STK33: variants seen among roughly 807,000 people sequenced by gnomAD.
STK33 encodes serine/threonine-protein kinase 33.
Under a neutral mutation model 58.0 loss-of-function variants are expected in STK33, and 52 were observed. That is an observed-to-expected ratio of 0.90 (90% CI 0.72 to 1.13). The LOEUF (loss-of-function observed/expected upper bound fraction) is 1.13. Among genes scored for constraint, STK33 ranks in the 50% most tolerant of loss-of-function variants. The probability of loss-of-function intolerance (pLI) is 0.00; values close to 1 mark genes in which losing one functional copy is unlikely to be tolerated. For missense variants in STK33, 630 were observed against 604.2 expected (o/e 1.04, Z -0.45); for synonymous variants, 215 against 200.1 (o/e 1.07, Z -0.63).
the STK33 span, among the ~76,000 whole-genome samples, chr11:8,347,910 A>C: frequency 1.3e-5 from 2 of 152,102 alleles, no homozygotes; most frequent in African/African-American, 4.8e-5. Flanking sequence ...TGGCTCACCC[A>C]CCTTCCCCTG....
At chr11:8,402,489 T>G (rs376493929) in intron 15 of STK33, among the ~76,000 whole-genome samples, 27 of 152,226 alleles carry the variant, frequency 1.8e-4, no homozygotes, top group African/African-American at 6.5e-4. Context: ...CGAGGAGGGA[T>G]AGCATTAGGA....
intron 1 of STK33, among the ~76,000 whole-genome samples, chr11:8,497,469 CTTTCTT>C (rs137919884): frequency 1.8e-4 from 27 of 152,194 alleles, no homozygotes; most frequent in African/African-American, 5.5e-4. Context: ...GTTCAAAGTT[CTTTCTT>C]TTTCTTTTTC....
Position 8,553,669 on chromosome 11 carries a change from TTTTTTA to T in STK33, c.-466+40408_-466+40413del, listed in dbSNP as rs1956526560. On this transcript the variant is annotated intron_variant, in intron 1 of 15. Coordinates refer to ENST00000687296, the MANE Select transcript of STK33 (RefSeq NM_001352389.2). The stretch of plus-strand genomic sequence containing the variant: ...ACACATTAATAGTCAACTGATGTTT[TTTTTTA>T]CAAAGGTGCCAAGAACACACAATGG... Among the ~76,000 whole-genome samples, 3 of 152,150 alleles carry T rather than the reference TTTTTTA, an allele frequency of 2.0e-5. No individual in the cohort carries two copies. The South Asian group carries it at 6.2e-4, about 32-fold the overall frequency.
chr11:8,586,340 ACTTCCT>A (rs1241326170), intron 1 of STK33, among the ~76,000 whole-genome samples: 14 of 152,078 alleles, frequency 9.2e-5, no homozygotes, highest in Admixed American at 6.5e-4. Context: ...CTAGATCTCA[ACTTCCT>A]CTAAGACTTA....
chr11:8,521,184 C>A (rs558776234), intron 1 of STK33, among the ~76,000 whole-genome samples: 5 of 152,042 alleles, frequency 3.3e-5, no homozygotes, highest in African/African-American at 7.2e-5. Flanking sequence ...AATCCTAAGC[C>A]AAAAGAACAA....
At chr11:8,473,684 A>G (rs1200108320) in intron 5 of STK33, among the ~76,000 whole-genome samples, 1 of 152,258 alleles carries the variant, frequency 6.6e-6, no homozygotes, top group Non-Finnish European at 1.5e-5. Flanking sequence ...TGAAAATAAC[A>G]TAGTAACAAC....
At chr11:8,453,561 G>A (rs1428694069) in intron 10 of STK33, among the ~76,000 whole-genome samples, 4 of 152,164 alleles carry the variant, frequency 2.6e-5, no homozygotes, top group Admixed American at 6.5e-5. Context: ...GCCTAGTGCC[G>A]CAACTGTAGG....
chr11:8,468,570 T>C (rs1317771522), intron 6 of STK33, among the ~76,000 whole-genome samples: 7 of 152,210 alleles, frequency 4.6e-5, no homozygotes. Flanking sequence ...TCAAACAATA[T>C]TATTGCTTTT....
At chr11:8,373,723 G>A in the STK33 span, among the ~76,000 whole-genome samples, 1 of 152,136 alleles carries the variant, frequency 6.6e-6, no homozygotes, top group Non-Finnish European at 1.5e-5. Flanking sequence ...CAGTGATTGA[G>A]GCCCAGGCTG....
the STK33 span, among the ~76,000 whole-genome samples, chr11:8,365,507 G>A: frequency 6.6e-6 from 1 of 152,228 alleles, no homozygotes; most frequent in Non-Finnish European, 1.5e-5. Flanking sequence ...GGTGTCCCCA[G>A]GGGCCTGACC....
At chr11:8,541,680 G>C (rs35631772) in intron 1 of STK33, among the ~76,000 whole-genome samples, 21,087 of 151,974 alleles carry the variant, frequency 0.14, 1,819 homozygotes, top group South Asian at 0.28. Flanking sequence ...CTTTCCATTT[G>C]TTCAAATGTT....
At chr11:8,422,960 G>C (rs1942149186) in intron 14 of STK33, among the ~76,000 whole-genome samples, 1 of 150,740 alleles carries the variant, frequency 6.6e-6, no homozygotes, top group African/African-American at 2.4e-5. Context: ...CGAGTAGCTG[G>C]GACTACTACT....
intron 1 of STK33, among the ~76,000 whole-genome samples, chr11:8,568,294 A>C (rs1327276860): frequency 6.6e-6 from 1 of 152,200 alleles, no homozygotes; most frequent in Non-Finnish European, 1.5e-5. Context: ...ACTCATTAAA[A>C]TGGCATAAAA....
chr11:8,441,137 T>C (rs894969094), intron 11 of STK33, among the ~76,000 whole-genome samples: 1 of 152,178 alleles, frequency 6.6e-6, no homozygotes, highest in East Asian at 1.9e-4. Flanking sequence ...AGGCCCAATA[T>C]GTGGAAATCT....
chr11:8,377,523 T>C, the STK33 span, among the ~76,000 whole-genome samples: 8 of 152,172 alleles, frequency 5.3e-5, no homozygotes, highest in Non-Finnish European at 5.9e-5. Flanking sequence ...TCATACTGAA[T>C]GGGGAAAAGG....
chr11:8,559,808 G>T (rs924753132), intron 1 of STK33, among the ~76,000 whole-genome samples: 1 of 152,224 alleles, frequency 6.6e-6, no homozygotes, highest in South Asian at 2.1e-4. Context: ...CATTTCCAAT[G>T]GTTCTGTGTA....
chr11:8,491,983 C>T (rs1190666078), intron 1 of STK33, among the ~76,000 whole-genome samples: 1 of 152,210 alleles, frequency 6.6e-6, no homozygotes, highest in African/African-American at 2.4e-5. Context: ...CCAGCCACTG[C>T]AAAAACACGC....
chr11:8,410,019 T>G (rs1939941776), intron 15 of STK33, among the ~76,000 whole-genome samples: 1 of 152,124 alleles, frequency 6.6e-6, no homozygotes, highest in Non-Finnish European at 1.5e-5. Flanking sequence ...TGTGCTTGGG[T>G]ACATATGCCA....
At chr11:8,580,084 C>A (rs1186071459) in intron 1 of STK33, among the ~76,000 whole-genome samples, 1 of 152,070 alleles carries the variant, frequency 6.6e-6, no homozygotes, top group African/African-American at 2.4e-5. Flanking sequence ...GAAAACAGAG[C>A]TACCATATGA....
Sources: allele counts gnomAD v4.1 joint callset (sites outside exome capture counted in the v4.1 genomes callset), GRCh38; gene constraint gnomAD v4.1.1; transcripts MANE v1.5; gene names NCBI Gene and HGNC (gene_info 2026-07-23, HGNC 2026-07-21).